SGCD: variants seen among roughly 807,000 people sequenced by gnomAD.
SGCD encodes sarcoglycan delta.
Under a neutral mutation model 36.6 loss-of-function variants are expected in SGCD, and 18 were observed. The ratio of observed to expected loss-of-function variants is 0.49; its 90% CI spans 0.34 to 0.73. The LOEUF (loss-of-function observed/expected upper bound fraction) is 0.73. Ranked by LOEUF, SGCD falls within the 30% of genes least tolerant of loss-of-function variation. The pLI is 0.01. For synonymous variants in SGCD, 133 were observed against 130.6 expected (o/e 1.02, Z -0.12); for missense variants, 387 against 346.7 (o/e 1.12, Z -0.92).
At chr5:156,088,794 G>A (rs999294358) in intron 1 of SGCD, among the ~76,000 whole-genome samples, 2 of 152,100 alleles carry the variant, frequency 1.3e-5, no homozygotes, top group Admixed American at 6.5e-5. Flanking sequence ...CTTATTTGTG[G>A]TTTTTCTTAA....
intron 3 of SGCD, among the ~76,000 whole-genome samples, chr5:156,464,275 C>A (rs1754626341): frequency 7.0e-6 from 1 of 141,890 alleles, no homozygotes; most frequent in Non-Finnish European, 1.5e-5. Context: ...GGCTGGAGTG[C>A]AATGGTGTGA....
intron 3 of SGCD, among the ~76,000 whole-genome samples, chr5:156,224,438 A>G (rs933895051): frequency 5.9e-5 from 9 of 152,182 alleles, no homozygotes; most frequent in Non-Finnish European, 1.5e-5. Flanking sequence ...AGAAACAAAC[A>G]AAAGACCAGA....
At chr5:156,745,158 C>A (rs1338321012) in intron 7 of SGCD, among the ~76,000 whole-genome samples, 1 of 152,076 alleles carries the variant, frequency 6.6e-6, no homozygotes, top group Non-Finnish European at 1.5e-5. Context: ...CTGGGACCCC[C>A]CCAGTTACCA....
intron 4 of SGCD, among the ~76,000 whole-genome samples, chr5:156,530,925 A>C (rs868454151): frequency 3.3e-5 from 5 of 152,272 alleles, no homozygotes; most frequent in Middle Eastern, 3.4e-3. Flanking sequence ...CTAAATAACA[A>C]AGAGTTTCTT....
chr5:156,070,299 C>A (rs1035464671), intron 1 of SGCD, among the ~76,000 whole-genome samples: 2 of 152,008 alleles, frequency 1.3e-5, no homozygotes, highest in Non-Finnish European at 2.9e-5. Flanking sequence ...TTTTGAGATA[C>A]GTCCCATCAA....
intron 1 of SGCD, among the ~76,000 whole-genome samples, chr5:155,913,429 T>A (rs1189448131): frequency 6.6e-6 from 1 of 152,042 alleles, no homozygotes; most frequent in Non-Finnish European, 1.5e-5. Context: ...TTCCTATTAT[T>A]CCAAGGCAAG....
At chr5:155,785,711 G>A in the SGCD span, among the ~76,000 whole-genome samples, 2 of 152,268 alleles carry the variant, frequency 1.3e-5, no homozygotes, top group Non-Finnish European at 2.9e-5. Flanking sequence ...TGTGGTAAAA[G>A]TACAAACACA....
intron 4 of SGCD, among the ~76,000 whole-genome samples, chr5:156,577,707 G>C (rs1352610227): frequency 6.6e-6 from 1 of 152,072 alleles, no homozygotes; most frequent in Non-Finnish European, 1.5e-5. Flanking sequence ...TCATGATTTG[G>C]CTCTGTGTTT....
At chr5:156,649,476 G>A (rs1033139345) in intron 7 of SGCD, among the ~76,000 whole-genome samples, 11 of 152,114 alleles carry the variant, frequency 7.2e-5, no homozygotes, top group Admixed American at 2.0e-4. Flanking sequence ...GTCCAACAAT[G>A]ATAGACTGGA....
intron 1 of SGCD, among the ~76,000 whole-genome samples, chr5:155,892,459 GAAAAAAAAAAAA>G (rs70981989): frequency 1.1e-5 from 1 of 94,312 alleles, no homozygotes; most frequent in East Asian, 3.5e-4. Context: ...ATCTGAAAAA[GAAAAAAAAAAAA>G]AAAAAAAAAA....
At position 156,595,557 on chromosome 5, in the gene SGCD, A is replaced by G. The variant is rs545429148; in HGVS notation, c.502+506A>G. On this transcript the variant is annotated intron_variant, in intron 6 of 8. Transcript: ENST00000337851. ...TGAACCTCCCTGAGTCTGGTCCCCTAGTGGAAATTTCTCAAGCTGTCAAGT... is the reference window on the plus strand; with the variant it reads ...TGAACCTCCCTGAGTCTGGTCCCCTGGTGGAAATTTCTCAAGCTGTCAAGT... 5.3e-5 allele frequency among the ~76,000 whole-genome samples: 8 copies of G among 152,300 alleles called. No homozygotes were observed. In the South Asian group the frequency reaches 1.4e-3, roughly 28 times the overall value.
At chr5:156,724,982 G>T (rs1462563947) in intron 7 of SGCD, among the ~76,000 whole-genome samples, 1 of 152,194 alleles carries the variant, frequency 6.6e-6, no homozygotes. Flanking sequence ...TTTTTCTGAG[G>T]TTTCACATAG....
chr5:155,832,773 A>C, the SGCD span, among the ~76,000 whole-genome samples: 8 of 152,190 alleles, frequency 5.3e-5, no homozygotes, highest in Non-Finnish European at 1.5e-5. Flanking sequence ...AGAATTATAG[A>C]TTTTAAAAAT....
At chr5:155,773,409 G>T in the SGCD span, among the ~76,000 whole-genome samples, 3 of 152,036 alleles carry the variant, frequency 2.0e-5, no homozygotes, top group African/African-American at 7.2e-5. Flanking sequence ...TGAACTTCTG[G>T]CCTCAACCAG....
chr5:156,134,579 A>G (rs73300627), intron 3 of SGCD, among the ~76,000 whole-genome samples: 2,305 of 151,950 alleles, frequency 0.015, 58 homozygotes, highest in African/African-American at 0.052. Context: ...AAAACCCCTC[A>G]TCTTTAAAGT....
intron 7 of SGCD, among the ~76,000 whole-genome samples, chr5:156,694,126 T>A (rs1754216911): frequency 6.6e-6 from 1 of 152,196 alleles, no homozygotes; most frequent in Non-Finnish European, 1.5e-5. Context: ...TGGTAAAATA[T>A]AACATCTCCA....
the SGCD span, among the ~76,000 whole-genome samples, chr5:155,757,829 C>T: frequency 6.6e-6 from 1 of 152,084 alleles, no homozygotes; most frequent in Admixed American, 6.5e-5. Flanking sequence ...GGGAAGCGCC[C>T]CATGGAAGGT....
chr5:156,679,558 A>T (rs1753645772), intron 7 of SGCD, among the ~76,000 whole-genome samples: 1 of 152,180 alleles, frequency 6.6e-6, no homozygotes, highest in Admixed American at 6.5e-5. Context: ...GGGCCATTTC[A>T]TAACACATTG....
chr5:156,049,604 T>C lies in SGCD; in HGVS notation c.-281-68274T>C, dbSNP rs191360531. Among the ~76,000 whole-genome samples the C allele has an allele frequency of 1.4e-3, 203 of 146,780 alleles. 7 individuals carry two copies. Among genetic ancestry groups the C allele is most frequent in the African/African-American group, 4.6e-3 (188 of 40,842 alleles). On this transcript the variant is annotated intron_variant, in intron 1 of 9. Transcript: ENST00000517913. ...GCCAAATTGTAAGAGCATCAAAGCC[T>C]TATTTCTTAAGAAATATATTTTGTA...
Sources: allele counts gnomAD v4.1 joint callset (sites outside exome capture counted in the v4.1 genomes callset), GRCh38; gene constraint gnomAD v4.1.1; transcripts MANE v1.5; gene names NCBI Gene and HGNC (gene_info 2026-07-23, HGNC 2026-07-21).